The following HK2 variants were observed in gnomAD, a reference collection of about 807,000 sequenced individuals.
HK2 encodes the protein hexokinase 2.
HK2 carries 42 observed loss-of-function variants against 92.9 expected under a neutral mutation model. The observed-to-expected ratio is 0.45, with a 90% confidence interval of 0.35 to 0.58. The LOEUF (loss-of-function observed/expected upper bound fraction) is 0.58, where lower values mean the gene tolerates loss of function less well. Ranked by LOEUF, HK2 falls within the 20% of genes least tolerant of loss-of-function variation. HK2 has a pLI of 0.00. For missense variants in HK2, 978 were observed against 1,245.1 expected (o/e 0.79, Z 3.23); for synonymous variants, 422 against 468.0 (o/e 0.90, Z 1.27).
intron 1 of HK2, among the ~76,000 whole-genome samples, chr2:74,838,386 C>A (rs772461139): frequency 1.3e-5 from 2 of 152,036 alleles, no homozygotes; most frequent in African/African-American, 2.4e-5. Flanking sequence ...AGGGGTAGTT[C>A]GCAGTTATCT....
chr2:74,870,001 CTTTTTTTTT>C (rs66946936), intron 3 of HK2, among the ~76,000 whole-genome samples: 2 of 121,518 alleles, frequency 1.6e-5, no homozygotes, highest in Non-Finnish European at 3.4e-5. Flanking sequence ...CTTTTCTTTT[CTTTTTTTTT>C]TTTTTTTTTG....
chr2:74,891,240 C>G lies in HK2; in HGVS notation c.*299C>G, dbSNP rs1689670492. 4.8e-6 allele frequency: 2 copies of G among 413,140 alleles called. No individual in the cohort carries two copies. Among genetic ancestry groups the G allele is most frequent in the Non-Finnish European group, 9.1e-6 (2 of 219,734 alleles). The allele number at this position is 413,140 out of a possible 1,614,324, so 25.6% of individuals were successfully genotyped here. ...TAATCCCCCTTGCCAAATTCCATGT[C>G]CCTGTATAATTCTACAGGATGGGGA... On this transcript the variant is annotated 3_prime_UTR_variant, in exon 18 of 18. Coordinates refer to ENST00000290573, the MANE Select transcript of HK2 (RefSeq NM_000189.5).
intron 2 of HK2, among the ~76,000 whole-genome samples, chr2:74,864,509 T>A (rs908514061): frequency 7.1e-6 from 1 of 141,218 alleles, no homozygotes; most frequent in Non-Finnish European, 1.5e-5. Context: ...TGTTGTCATT[T>A]GTTTGTTTTT....
intron 6 of HK2, 137 bp downstream of exon 6, chr2:74,874,080 G>T (rs1313502170): frequency 1.0e-6 from 1 of 960,946 alleles, no homozygotes; most frequent in East Asian, 2.6e-5. Context: ...ACTTTGGAGA[G>T]CCGAGCAGGG....
rs761507220 is a variant in HK2, at chr2:74,880,535, G to T, written c.1536G>T (p.Leu512=). 1.2e-6 allele frequency: 2 copies of T among 1,614,196 alleles called. No individual in the cohort carries two copies. The highest frequency in any genetic ancestry group is 3.3e-5 in the Admixed American group (2 of 60,012). The change falls in exon 10 of 18, where the codon CTG becomes CTT. Residue 512 remains leucine (L), a synonymous_variant. Transcript: ENST00000290573. The stretch of plus-strand genomic sequence containing the variant: ...ATGCCAGTGCCCCCGTCAAGATGCT[G>T]CCCACCTACGTGTGTGCTACCCCGG... ...ETHASAPVKM[L]PTYVCATPDG... is the part of the protein sequence containing the mutation.
intron 1 of HK2, among the ~76,000 whole-genome samples, chr2:74,852,552 A>G (rs28362973): frequency 0.022 from 3,359 of 152,276 alleles, 135 homozygotes; most frequent in African/African-American, 0.078. Context: ...GGAACCAGAG[A>G]TCAGAGACCC....
intron 1 of HK2, among the ~76,000 whole-genome samples, chr2:74,836,611 T>G (rs1385834364): frequency 2.0e-5 from 3 of 152,178 alleles, no homozygotes; most frequent in African/African-American, 7.2e-5. Context: ...TGAAGACCCT[T>G]GGGTGTATTT....
Position 74,874,287 on chromosome 2 carries a change from A to G in HK2, c.713A>G (p.Tyr238Cys), listed in dbSNP as rs1273088059. ...LIVGTGSNACYMEEMRHIDMV... is the reference protein window; with the variant it reads ...LIVGTGSNACCMEEMRHIDMV... ...GCAGGCACGGGCAGCAACGCCTGCT[A>G]CATGGAAGAGATGCGCCACATCGAC... The change falls in exon 7 of 18, where the codon TAC (tyrosine) becomes TGC (cysteine). Residue 238 changes from tyrosine to cysteine, a missense_variant. Coordinates refer to ENST00000290573, the MANE Select transcript of HK2 (RefSeq NM_000189.5). 2 of 1,614,238 alleles carry G rather than the reference A, an allele frequency of 1.2e-6. No homozygotes were observed. The highest frequency in any genetic ancestry group is 1.7e-5 in the Admixed American group (1 of 60,032).
chr2:74,891,232 T>G lies in HK2; in HGVS notation c.*291T>G. ...TCCCTTAGTAATCCCCCTTGCCAAA[T>G]TCCATGTCCCTGTATAATTCTACAG... On this transcript the variant is annotated 3_prime_UTR_variant, in exon 18 of 18. Coordinates refer to ENST00000290573, the MANE Select transcript of HK2 (RefSeq NM_000189.5). The G allele has an allele frequency of 4.7e-6, 2 of 422,768 alleles. No individual in the cohort carries two copies. Among genetic ancestry groups the G allele is most frequent in the Non-Finnish European group, 8.9e-6 (2 of 225,382 alleles). The allele number at this position is 422,768 out of a possible 1,614,324, so 26.2% of individuals were successfully genotyped here. A position where few individuals can be genotyped will look rare whatever the true frequency, so the allele number is the denominator to read the frequency against.
chr2:74,869,107 G>A (rs1689032680), intron 3 of HK2, among the ~76,000 whole-genome samples: 1 of 150,544 alleles, frequency 6.6e-6, no homozygotes, highest in African/African-American at 2.5e-5. Flanking sequence ...AAGAAAAACA[G>A]TATAGTCCGG....
intron 2 of HK2, among the ~76,000 whole-genome samples, chr2:74,864,649 G>C (rs1350946815): frequency 6.6e-6 from 1 of 152,148 alleles, no homozygotes; most frequent in Non-Finnish European, 1.5e-5. Context: ...TGGGATTACA[G>C]GGCTACGCCA....
intron 1 of HK2, among the ~76,000 whole-genome samples, chr2:74,840,804 G>A (rs1240233676): frequency 3.3e-5 from 5 of 149,602 alleles, no homozygotes; most frequent in South Asian, 4.3e-4. Flanking sequence ...AGTTGAGCCC[G>A]GGAGGTGGAG....
At position 74,885,497 on chromosome 2, in the gene HK2, ATCC is replaced by A. The variant is rs1689499889; in HGVS notation, c.1849_1851del (p.Leu617del). ...CATGCTTGTGTGTGATTTTTAGAGC[ATCC>A]TCCTCAAGTGGACAAAAGGCTTCAA... is the stretch of plus-strand genomic sequence containing the variant. On this transcript the variant is annotated inframe_deletion, in exon 13 of 18. Transcript: ENST00000290573. The A allele has an allele frequency of 6.2e-7, 1 of 1,612,258 alleles. No homozygotes were observed. The highest frequency in any genetic ancestry group is 8.5e-7 in the Non-Finnish European group (1 of 1,178,332).
At chr2:74,862,591 T>C (rs1033751876) in intron 2 of HK2, among the ~76,000 whole-genome samples, 3 of 152,210 alleles carry the variant, frequency 2.0e-5, no homozygotes, top group Non-Finnish European at 2.9e-5. Flanking sequence ...AAGGAAGCCC[T>C]TATCTTGGTT....
intron 12 of HK2, 117 bp from the exon 13 acceptor site, chr2:74,885,377 G>T: frequency 1.3e-6 from 1 of 744,524 alleles, no homozygotes. Context: ...GATGATTGGT[G>T]ACTCTGGGGG....
At chr2:74,863,709 C>G (rs914510000) in intron 2 of HK2, among the ~76,000 whole-genome samples, 3 of 152,038 alleles carry the variant, frequency 2.0e-5, no homozygotes, top group African/African-American at 7.2e-5. Context: ...TGCTTGAAAA[C>G]TAAAGGAAAA....
In HK2 at chr2:74,873,730, G is replaced by A. The variant is rs183350796; in HGVS notation, c.592-114G>A. On this transcript the variant is annotated intron_variant, in intron 5 of 17. Transcript: ENST00000290573. ...TCACAGGAGGAGTTATGGGGAGGGA[G>A]GGGGGAGAGAGAGAGAAGGAGGAGG... 3.8e-3 allele frequency: 2,733 copies of A among 720,320 alleles called. 16 individuals are homozygous for A. The highest frequency in any genetic ancestry group is 0.011 in the Middle Eastern group (34 of 3,140). The allele number at this position is 720,320 out of a possible 1,614,324, so 44.6% of individuals were successfully genotyped here.
At chr2:74,881,094 C>T (rs28363035) in intron 10 of HK2, among the ~76,000 whole-genome samples, 1,854 of 152,268 alleles carry the variant, frequency 0.012, 20 homozygotes, top group South Asian at 0.038. Context: ...CATGCCCATG[C>T]GTCTGCACGT....
intron 17 of HK2, 151 bp downstream of exon 17, chr2:74,889,629 A>G: frequency 1.4e-6 from 1 of 722,508 alleles, no homozygotes; most frequent in South Asian, 1.7e-5. Flanking sequence ...AAAGATTCAT[A>G]ATCAGAAGTA....
Sources: allele counts gnomAD v4.1 joint callset (sites outside exome capture counted in the v4.1 genomes callset), GRCh38; gene constraint gnomAD v4.1.1; transcripts MANE v1.5; gene names NCBI Gene and HGNC (gene_info 2026-07-23, HGNC 2026-07-21).